The following UBE2R2 variants were observed in gnomAD, a reference collection of about 807,000 sequenced individuals.
The protein encoded by UBE2R2 is ubiquitin conjugating enzyme E2 R2, also known as ubiquitin-conjugating enzyme E2 R2.
In UBE2R2, 1 loss-of-function variant was observed where a neutral mutation model predicts 27.8. That is an observed-to-expected ratio of 0.04 (90% CI 0.01 to 0.17). The LOEUF is 0.17. Among genes scored for constraint, UBE2R2 ranks in the 10% least tolerant of loss-of-function variants. The probability of loss-of-function intolerance (pLI) is 1.00; values close to 1 mark genes in which losing one functional copy is unlikely to be tolerated. For missense variants in UBE2R2, 100 were observed against 291.0 expected, an observed-to-expected ratio of 0.34 and a Z score of 4.78; for synonymous variants, 106 against 113.3, an observed-to-expected ratio of 0.94 and a Z score of 0.41.
intron 1 of UBE2R2, among the ~76,000 whole-genome samples, chr9:33,884,955 T>G (rs767872625): frequency 6.6e-6 from 1 of 152,214 alleles, no homozygotes; most frequent in Non-Finnish European, 1.5e-5. Context: ...CCTAATTATA[T>G]AATGTCGATA....
chr9:33,824,320 G>A (rs1016329725), intron 1 of UBE2R2, among the ~76,000 whole-genome samples: 4 of 151,174 alleles, frequency 2.6e-5, no homozygotes, highest in South Asian at 4.2e-4. Context: ...GGTGAAACCC[G>A]GTCTCCACTA....
chr9:33,831,833 G>A (rs1820490598), intron 1 of UBE2R2, among the ~76,000 whole-genome samples: 1 of 151,566 alleles, frequency 6.6e-6, no homozygotes, highest in South Asian at 2.1e-4. Flanking sequence ...TTAATTTTTT[G>A]TATTTTTAGT....
rs1425684203 is a variant in UBE2R2, at chr9:33,914,088, A to G, written c.497+1990A>G. 2.0e-5 allele frequency among the ~76,000 whole-genome samples: 3 copies of G among 152,314 alleles called. No individual in the cohort carries two copies. In the East Asian group the frequency reaches 5.8e-4, roughly 29 times the overall value. On this transcript the variant is annotated intron_variant, in intron 4 of 4. Coordinates refer to ENST00000263228, the MANE Select transcript of UBE2R2 (RefSeq NM_017811.4). ...TATCTATTCCTTAATGACCTAGTAC[A>G]GTACCTGACACTAAGCAACAGCTTT...
At chr9:33,916,881 A>C in intron 4 of UBE2R2, 137 bp from the exon 5 acceptor site, 1 of 1,327,050 alleles carries the variant, frequency 7.5e-7, no homozygotes, top group Non-Finnish European at 1.0e-6. Context: ...AGTACAGGGT[A>C]TCTGTCAGAT....
chr9:33,822,899 CTTA>C (rs1180449522), intron 1 of UBE2R2, among the ~76,000 whole-genome samples: 1 of 142,348 alleles, frequency 7.0e-6, no homozygotes, highest in African/African-American at 2.6e-5. Flanking sequence ...TTTTCTTCTT[CTTA>C]TTAATTTTTT....
chr9:33,818,080 A>T, intron 1 of UBE2R2, 146 bp downstream of exon 1: 1 of 802,524 alleles, frequency 1.2e-6, no homozygotes, highest in Non-Finnish European at 1.7e-6. Context: ...CCATCCCTGG[A>T]GGCAGGAAGG....
chr9:33,832,672 A>G (rs77237539), intron 1 of UBE2R2, among the ~76,000 whole-genome samples: 3 of 149,848 alleles, frequency 2.0e-5, no homozygotes, highest in African/African-American at 7.5e-5. Flanking sequence ...AAAAAAAAAA[A>G]GAAAGAAAGA....
chr9:33,874,651 G>A (rs1003393854), intron 1 of UBE2R2, among the ~76,000 whole-genome samples: 6 of 149,956 alleles, frequency 4.0e-5, no homozygotes, highest in African/African-American at 1.5e-4. Flanking sequence ...TTTCATTTGT[G>A]AAAATTTCAG....
At chr9:33,912,930 C>T (rs1190652475) in intron 4 of UBE2R2, among the ~76,000 whole-genome samples, 1 of 152,054 alleles carries the variant, frequency 6.6e-6, no homozygotes, top group Non-Finnish European at 1.5e-5. Flanking sequence ...ACTTCCCCTA[C>T]CCTCCACCTC....
intron 1 of UBE2R2, among the ~76,000 whole-genome samples, chr9:33,849,819 A>T (rs1252666170): frequency 6.6e-6 from 1 of 151,868 alleles, no homozygotes; most frequent in African/African-American, 2.4e-5. Context: ...CCAAGATCTT[A>T]CTACTGCGCT....
At chr9:33,906,113 C>CTGTTGTTGTTGT (rs3060468) in intron 3 of UBE2R2, among the ~76,000 whole-genome samples, 232 of 151,278 alleles carry the variant, frequency 1.5e-3, no homozygotes, top group Middle Eastern at 3.4e-3. Flanking sequence ...GTCGTTGTTG[C>CTGTTGTTGTTGT]TGTTGTTGTT....
chr9:33,891,812 A>G (rs1699586930), intron 2 of UBE2R2, among the ~76,000 whole-genome samples: 2 of 151,672 alleles, frequency 1.3e-5, no homozygotes, highest in Admixed American at 1.3e-4. Flanking sequence ...AAGCTGCAAA[A>G]CTTTCTGTTG....
At chr9:33,832,626 T>C (rs1231546077) in intron 1 of UBE2R2, among the ~76,000 whole-genome samples, 2 of 149,380 alleles carry the variant, frequency 1.3e-5, no homozygotes, top group Non-Finnish European at 3.0e-5. Flanking sequence ...GCCACTGCAC[T>C]CCAGCCTGGG....
At chr9:33,897,377 G>A (rs1255935878) in intron 2 of UBE2R2, among the ~76,000 whole-genome samples, 2 of 150,200 alleles carry the variant, frequency 1.3e-5, no homozygotes, top group African/African-American at 4.9e-5. Flanking sequence ...GAGTACAATG[G>A]TGTGATCTCG....
intron 1 of UBE2R2, among the ~76,000 whole-genome samples, chr9:33,827,693 C>T (rs1587425978): frequency 1.3e-5 from 2 of 151,168 alleles, no homozygotes; most frequent in Admixed American, 6.6e-5. Context: ...AAATCAGGCT[C>T]GGCGTGGTGA....
intron 3 of UBE2R2, among the ~76,000 whole-genome samples, chr9:33,908,460 T>C (rs1171188585): frequency 6.6e-6 from 1 of 151,958 alleles, no homozygotes; most frequent in Non-Finnish European, 1.5e-5. Flanking sequence ...TTATTCCCCA[T>C]ACAAAAAAGA....
intron 1 of UBE2R2, among the ~76,000 whole-genome samples, chr9:33,884,707 A>G (rs1821819437): frequency 6.6e-6 from 1 of 152,152 alleles, no homozygotes; most frequent in Non-Finnish European, 1.5e-5. Context: ...AGGTTTAAAG[A>G]TAAGCTGATT....
Position 33,817,728 on chromosome 9 carries a change from C to A in UBE2R2, c.-30C>A. On this transcript the variant is annotated 5_prime_UTR_variant, in exon 1 of 5. Coordinates refer to ENST00000263228, the MANE Select transcript of UBE2R2 (RefSeq NM_017811.4). ...CGGTGCGTGAGGACTGGGGCCCGGG[C>A]CCGGCGCCGCCGCCGCCGCCGCCGC... is the stretch of plus-strand genomic sequence containing the variant. 1 of 1,488,754 alleles carries A rather than the reference C, an allele frequency of 6.7e-7. No individual in the cohort carries two copies. Among genetic ancestry groups the A allele is most frequent in the Non-Finnish European group, 8.9e-7 (1 of 1,117,568 alleles). 92.2% of individuals were successfully genotyped at this position (1,488,754 alleles called of 1,614,324 possible).
At chr9:33,916,283 G>A (rs1167372482) in intron 4 of UBE2R2, among the ~76,000 whole-genome samples, 2 of 152,208 alleles carry the variant, frequency 1.3e-5, no homozygotes. Context: ...GGAGGTTGCA[G>A]TGGGCCGAGA....
Sources: gnomAD v4.1 joint callset for allele counts (sites outside exome capture counted in the v4.1 genomes callset) on GRCh38, gnomAD v4.1.1 for gene constraint, MANE v1.5 for transcripts, NCBI Gene and HGNC (gene_info 2026-07-23, HGNC 2026-07-21) for gene names.